Variants in DOCK4 observed in about 807,000 individuals in gnomAD.
DOCK4 encodes dedicator of cytokinesis protein 4.
In DOCK4, 97 loss-of-function variants were observed where a neutral mutation model predicts 268.1. The observed-to-expected ratio is 0.36, with a 90% CI of 0.31 to 0.43. The LOEUF (loss-of-function observed/expected upper bound fraction) is 0.43, where lower values mean the gene tolerates loss of function less well. Among genes scored for constraint, DOCK4 ranks in the 20% least tolerant of loss-of-function variants. The probability of loss-of-function intolerance (pLI) is 1.00; values close to 1 mark genes in which losing one functional copy is unlikely to be tolerated. For synonymous variants in DOCK4, 954 were observed against 887.2 expected (o/e 1.08, Z -1.34); for missense variants, 2,145 against 2,455.7 (o/e 0.87, Z 2.67).
intron 1 of DOCK4, among the ~76,000 whole-genome samples, chr7:112,205,438 A>C (rs1821314972): frequency 6.6e-6 from 1 of 152,066 alleles, no homozygotes; most frequent in South Asian, 2.1e-4. Flanking sequence ...CCAAAGACCA[A>C]AGAACCGAGC....
chr7:112,029,232 A>C (rs1386240344), intron 1 of DOCK4, among the ~76,000 whole-genome samples: 3 of 152,112 alleles, frequency 2.0e-5, no homozygotes, highest in Non-Finnish European at 4.4e-5. Context: ...CTGGATGGCC[A>C]CTCCCAGAAA....
chr7:111,877,520 C>G (rs533801822), intron 16 of DOCK4, among the ~76,000 whole-genome samples: 2 of 152,160 alleles, frequency 1.3e-5, no homozygotes, highest in Non-Finnish European at 1.5e-5. Context: ...AAGCCTTTAA[C>G]ACAGTCCTGA....
At chr7:111,905,888 T>C (rs1053626474) in intron 13 of DOCK4, among the ~76,000 whole-genome samples, 3 of 152,192 alleles carry the variant, frequency 2.0e-5, no homozygotes, top group Non-Finnish European at 2.9e-5. Context: ...ACAGTCCTAG[T>C]AGCAACAGCA....
chr7:112,070,978 T>TA (rs1807532760), intron 1 of DOCK4, among the ~76,000 whole-genome samples: 2 of 152,084 alleles, frequency 1.3e-5, no homozygotes, highest in Admixed American at 1.3e-4. Context: ...TCTTTCTACC[T>TA]AAAAAGCAAA....
At chr7:111,923,742 G>C (rs1242955194) in intron 12 of DOCK4, among the ~76,000 whole-genome samples, 1 of 152,002 alleles carries the variant, frequency 6.6e-6, no homozygotes, top group Non-Finnish European at 1.5e-5. Context: ...ATTCCTACTA[G>C]ATGTATGCTG....
intron 49 of DOCK4, among the ~76,000 whole-genome samples, chr7:111,737,345 T>G (rs1795576796): frequency 1.3e-5 from 2 of 152,170 alleles, no homozygotes; most frequent in Non-Finnish European, 1.5e-5. Context: ...AGGCTGGTCT[T>G]GAATGCCTGG....
At chr7:112,155,368 G>A (rs943198547) in intron 1 of DOCK4, among the ~76,000 whole-genome samples, 1 of 152,114 alleles carries the variant, frequency 6.6e-6, no homozygotes, top group African/African-American at 2.4e-5. Flanking sequence ...CCTGAATTTT[G>A]ATTCCCACTA....
chr7:111,789,945 T>C (rs1254093182), intron 31 of DOCK4, among the ~76,000 whole-genome samples: 1 of 152,240 alleles, frequency 6.6e-6, no homozygotes, highest in Admixed American at 6.5e-5. Flanking sequence ...TTAGAACCTA[T>C]GTCAATGAGA....
intron 1 of DOCK4, among the ~76,000 whole-genome samples, chr7:112,109,566 C>G (rs1047556883): frequency 1.3e-5 from 2 of 152,146 alleles, no homozygotes; most frequent in African/African-American, 2.4e-5. Flanking sequence ...AACTACTGAA[C>G]TAAAAATAAG....
At chr7:111,829,496 G>A (rs949802196) in intron 26 of DOCK4, among the ~76,000 whole-genome samples, 2 of 152,154 alleles carry the variant, frequency 1.3e-5, no homozygotes, top group African/African-American at 2.4e-5. Flanking sequence ...GAGGTGTTCC[G>A]TAACTGTTAG....
At chr7:111,838,236 G>A (rs552878037) in intron 25 of DOCK4, among the ~76,000 whole-genome samples, 42 of 152,094 alleles carry the variant, frequency 2.8e-4, no homozygotes, top group African/African-American at 9.2e-4. Context: ...GAGTGAAAAG[G>A]ATCTAAAATA....
rs1196539507 is a variant in DOCK4, at chr7:111,726,325, A to AGC, written c.*1947_*1948dup. On this transcript the variant is annotated 3_prime_UTR_variant, in exon 53 of 53. Transcript: ENST00000428084. ...ATAACACTGATTTATAATGTGCCCA[A>AGC]GCACTAGTCAACAAATCTATTAAAT... 6.6e-6 allele frequency: 1 copy of AGC among 152,638 alleles called. No individual in the cohort carries two copies. Among genetic ancestry groups the AGC allele is most frequent in the Admixed American group, 6.5e-5 (1 of 15,290 alleles). The allele number at this position is 152,638 out of a possible 1,614,324, so 9.5% of individuals were successfully genotyped here. A position where few individuals can be genotyped will look rare whatever the true frequency, so the allele number is the denominator to read the frequency against.
At chr7:112,061,280 C>T (rs183452653) in intron 1 of DOCK4, among the ~76,000 whole-genome samples, 3 of 152,306 alleles carry the variant, frequency 2.0e-5, no homozygotes, top group Non-Finnish European at 4.4e-5. Flanking sequence ...TAGCCTCATC[C>T]TGTCCCGGCT....
intron 47 of DOCK4, chr7:111,739,781 CA>C: frequency 2.5e-6 from 1 of 395,930 alleles, no homozygotes; most frequent in East Asian, 5.7e-5. Flanking sequence ...GCCTAGGGCC[CA>C]AAAACAGGCG....
intron 1 of DOCK4, among the ~76,000 whole-genome samples, chr7:112,096,223 T>G (rs531437318): frequency 6.6e-6 from 1 of 152,324 alleles, no homozygotes; most frequent in South Asian, 2.1e-4. Flanking sequence ...TTCTTCAGGC[T>G]GAAATGCAGT....
intron 11 of DOCK4, 92 bp from the exon 12 acceptor site, chr7:111,935,720 C>T (rs757042807): frequency 1.8e-6 from 2 of 1,092,290 alleles, no homozygotes; most frequent in Non-Finnish European, 2.7e-6. Flanking sequence ...GTTATAACCA[C>T]TATAATGTAC....
chr7:112,124,079 C>T (rs1812997008), intron 1 of DOCK4, among the ~76,000 whole-genome samples: 1 of 151,816 alleles, frequency 6.6e-6, no homozygotes, highest in Non-Finnish European at 1.5e-5. Context: ...GGCTGGAATG[C>T]AGTGGAGCGA....
intron 11 of DOCK4, among the ~76,000 whole-genome samples, chr7:111,935,919 AG>A (rs1411321651): frequency 7.9e-5 from 12 of 152,200 alleles, no homozygotes; most frequent in Admixed American, 7.9e-4. Flanking sequence ...CAATGTATAC[AG>A]GGGAAGGCAG....
At chr7:112,066,678 T>TATATAC (rs57764149) in intron 1 of DOCK4, among the ~76,000 whole-genome samples, 44 of 22,018 alleles carry the variant, frequency 2.0e-3, no homozygotes, top group Non-Finnish European at 2.6e-3. Context: ...TACATATACA[T>TATATAC]ATATACATAT....
Sources: gnomAD v4.1 joint callset for allele counts (sites outside exome capture counted in the v4.1 genomes callset) on GRCh38, gnomAD v4.1.1 for gene constraint, MANE v1.5 for transcripts, NCBI Gene and HGNC (gene_info 2026-07-23, HGNC 2026-07-21) for gene names.